The following SORCS2 variants were observed in gnomAD, a reference collection of about 807,000 sequenced individuals.
SORCS2 encodes VPS10 domain-containing receptor SorCS2.
Under a neutral mutation model 141.6 loss-of-function variants are expected in SORCS2, and 100 were observed. That is an observed-to-expected ratio of 0.71 (90% CI 0.60 to 0.83). SORCS2 has a LOEUF of 0.83. Ranked by LOEUF, SORCS2 falls within the 40% of genes least tolerant of loss-of-function variation. SORCS2 has a pLI of 0.00. For synonymous variants in SORCS2, 789 were observed against 676.9 expected (o/e 1.17, Z -2.57); for missense variants, 1,646 against 1,560.2 (o/e 1.05, Z -0.93).
chr4:7,567,955 T>A (rs1715137535), intron 3 of SORCS2, among the ~76,000 whole-genome samples: 1 of 152,234 alleles, frequency 6.6e-6, no homozygotes, highest in African/African-American at 2.4e-5. Flanking sequence ...TGTGTCTCTT[T>A]GACATATTCC....
intron 2 of SORCS2, among the ~76,000 whole-genome samples, chr4:7,469,147 A>G (rs1190561735): frequency 6.6e-6 from 1 of 151,704 alleles, no homozygotes; most frequent in Non-Finnish European, 1.5e-5. Context: ...GGTGGTGATG[A>G]TGATGATGGT....
intron 1 of SORCS2, among the ~76,000 whole-genome samples, chr4:7,301,836 G>T (rs1717453368): frequency 6.6e-6 from 1 of 152,230 alleles, no homozygotes; most frequent in Admixed American, 6.5e-5. Context: ...GAAGGACGGG[G>T]TTAACACTAA....
At chr4:7,257,849 C>T (rs1460932638) in intron 1 of SORCS2, among the ~76,000 whole-genome samples, 1 of 152,234 alleles carries the variant, frequency 6.6e-6, no homozygotes, top group Non-Finnish European at 1.5e-5. Flanking sequence ...TGGGTTCAGT[C>T]AACGAGAGGC....
At chr4:7,675,377 G>A (rs1723043637) in intron 8 of SORCS2, among the ~76,000 whole-genome samples, 1 of 152,120 alleles carries the variant, frequency 6.6e-6, no homozygotes, top group Non-Finnish European at 1.5e-5. Context: ...GTGCCCCCAG[G>A]GCTCAGGGCT....
intron 2 of SORCS2, among the ~76,000 whole-genome samples, chr4:7,486,561 T>A (rs1415349829): frequency 1.3e-5 from 2 of 152,180 alleles, no homozygotes; most frequent in African/African-American, 2.4e-5. Flanking sequence ...ATGTGGAGCC[T>A]GCGGTAGCTT....
intron 3 of SORCS2, among the ~76,000 whole-genome samples, chr4:7,538,718 G>C (rs1712330825): frequency 6.6e-6 from 1 of 152,288 alleles, no homozygotes; most frequent in East Asian, 1.9e-4. Context: ...CCCCAGATAT[G>C]AGAAGCACAG....
At chr4:7,594,804 T>C (rs962007226) in intron 3 of SORCS2, among the ~76,000 whole-genome samples, 3 of 152,064 alleles carry the variant, frequency 2.0e-5, no homozygotes, top group Non-Finnish European at 4.4e-5. Context: ...GGGGCGAGGG[T>C]CACAGTCTCG....
intron 15 of SORCS2, among the ~76,000 whole-genome samples, chr4:7,713,118 C>T (rs1042514796): frequency 2.6e-5 from 4 of 152,214 alleles, no homozygotes. Flanking sequence ...TCTACTCCAG[C>T]CCATGGAGTC....
chr4:7,730,479 G>A (rs1711575776), intron 23 of SORCS2, among the ~76,000 whole-genome samples: 1 of 152,190 alleles, frequency 6.6e-6, no homozygotes, highest in African/African-American at 2.4e-5. Flanking sequence ...ATTACTCATC[G>A]TAGCCAAAAA....
chr4:7,625,779 TAGAG>T lies in SORCS2; in HGVS notation c.649-12546_649-12543del, dbSNP rs201202888. 2.9e-3 allele frequency among the ~76,000 whole-genome samples: 439 copies of T among 149,270 alleles called. 2 individuals carry two copies. Among genetic ancestry groups the T allele is most frequent in the African/African-American group, 0.011 (427 of 40,538 alleles). On this transcript the variant is annotated intron_variant, in intron 3 of 26. Coordinates refer to ENST00000507866, the MANE Select transcript of SORCS2 (RefSeq NM_020777.3). ...GGAGGGAGGGAGGGAAGAAAGAAGG[TAGAG>T]AGGCAGGAAAGAAGGAACGGAGGAA...
At chr4:7,644,291 G>T (rs919265854) in intron 4 of SORCS2, among the ~76,000 whole-genome samples, 4 of 152,130 alleles carry the variant, frequency 2.6e-5, no homozygotes, top group African/African-American at 9.7e-5. Flanking sequence ...GCCTGCACCT[G>T]GTAACTTCCA....
intron 1 of SORCS2, among the ~76,000 whole-genome samples, chr4:7,355,374 A>G (rs1721184375): frequency 6.6e-6 from 1 of 152,122 alleles, no homozygotes; most frequent in Non-Finnish European, 1.5e-5. Flanking sequence ...CTGATACACA[A>G]CCTATATTTG....
chr4:7,313,990 C>T (rs1044958424), intron 1 of SORCS2, among the ~76,000 whole-genome samples: 15 of 152,232 alleles, frequency 9.9e-5, no homozygotes, highest in African/African-American at 3.1e-4. Flanking sequence ...GAGTGACATT[C>T]GGGGACATGC....
chr4:7,229,366 C>T (rs1027621580), intron 1 of SORCS2, among the ~76,000 whole-genome samples: 7 of 152,056 alleles, frequency 4.6e-5, no homozygotes, highest in Non-Finnish European at 7.4e-5. Context: ...GTGCCAATTT[C>T]TTAGCACCCG....
chr4:7,648,500 C>T lies in SORCS2; in HGVS notation c.814-5634C>T, dbSNP rs565476965. Among the ~76,000 whole-genome samples the T allele has an allele frequency of 9.9e-4, 150 of 152,266 alleles. No individual in the cohort carries two copies. The highest frequency in any genetic ancestry group is 5.2e-3 in the South Asian group (25 of 4,826). On this transcript the variant is annotated intron_variant, in intron 4 of 26. Coordinates refer to ENST00000507866, the MANE Select transcript of SORCS2 (RefSeq NM_020777.3). This position sits in a 1 kb window ranked among gnomAD's most constrained non-coding sequence, Gnocchi z 4.2. ...CTGCCTGGGAGTATTTATAGAGGGCCTTCTAGGTTTCAGGAGCTGGGGCAA... is the reference window on the plus strand; with the variant it reads ...CTGCCTGGGAGTATTTATAGAGGGCTTTCTAGGTTTCAGGAGCTGGGGCAA...
At chr4:7,229,661 T>C (rs1711673240) in intron 1 of SORCS2, among the ~76,000 whole-genome samples, 1 of 152,270 alleles carries the variant, frequency 6.6e-6, no homozygotes. Context: ...GCCTAAGAGC[T>C]TCTGTCACGG....
chr4:7,409,385 T>G (rs567606043), intron 2 of SORCS2, among the ~76,000 whole-genome samples: 252 of 152,330 alleles, frequency 1.7e-3, no homozygotes, highest in African/African-American at 5.6e-3. Flanking sequence ...CCAGGAGACC[T>G]GTAGAATAAA....
chr4:7,488,050 T>C (rs1717065082), intron 2 of SORCS2, among the ~76,000 whole-genome samples: 1 of 152,148 alleles, frequency 6.6e-6, no homozygotes, highest in Admixed American at 6.5e-5. Context: ...GGTTTCAGCA[T>C]TTAAGGTAAT....
chr4:7,512,633 G>A (rs1346616677), intron 2 of SORCS2, among the ~76,000 whole-genome samples: 5 of 152,024 alleles, frequency 3.3e-5, no homozygotes, highest in Admixed American at 1.3e-4. Flanking sequence ...TCAACAGGCA[G>A]GACAGCAGAG....
Sources: allele counts gnomAD v4.1 joint callset (sites outside exome capture counted in the v4.1 genomes callset), GRCh38; gene constraint gnomAD v4.1.1; non-coding constraint Gnocchi (gnomAD v3.1); transcripts MANE v1.5; gene names NCBI Gene and HGNC (gene_info 2026-07-23, HGNC 2026-07-21).